SDK1: variants seen among roughly 807,000 people sequenced by gnomAD.
The protein encoded by SDK1 is protein sidekick-1.
SDK1 carries 157 observed loss-of-function variants against 245.5 expected under a neutral mutation model. The observed-to-expected ratio is 0.64, with a 90% CI of 0.56 to 0.73. SDK1 has a LOEUF of 0.73. Among genes scored for constraint, SDK1 ranks in the 30% least tolerant of loss-of-function variants. SDK1 has a pLI of 0.00. For synonymous variants in SDK1, 1,647 were observed against 1,278.5 expected (o/e 1.29, Z -6.15); for missense variants, 3,583 against 3,002.3 (o/e 1.19, Z -4.52).
intron 1 of SDK1, among the ~76,000 whole-genome samples, chr7:3,580,311 C>G (rs1000620889): frequency 4.6e-5 from 7 of 152,118 alleles, no homozygotes; most frequent in African/African-American, 1.7e-4. Flanking sequence ...TCACATGGAA[C>G]CAAAAGAGAG....
At chr7:3,642,392 ACTTTT>A (rs1440804074) in intron 4 of SDK1, among the ~76,000 whole-genome samples, 3 of 152,152 alleles carry the variant, frequency 2.0e-5, no homozygotes, top group African/African-American at 7.2e-5. Context: ...TTCTGAGTGT[ACTTTT>A]TAAGATGTCA....
chr7:4,100,731 T>C (rs1377570925), intron 22 of SDK1, among the ~76,000 whole-genome samples: 1 of 151,896 alleles, frequency 6.6e-6, no homozygotes. Context: ...ACCCAGTCTG[T>C]GGAGTGTCAT....
At chr7:3,936,329 C>T (rs1780157177) in intron 5 of SDK1, among the ~76,000 whole-genome samples, 1 of 152,024 alleles carries the variant, frequency 6.6e-6, no homozygotes, top group Non-Finnish European at 1.5e-5. Flanking sequence ...CGCCTGTAAT[C>T]CCAGCACTTT....
chr7:3,796,618 C>T (rs376195197), intron 4 of SDK1, among the ~76,000 whole-genome samples: 8 of 152,212 alleles, frequency 5.3e-5, no homozygotes, highest in African/African-American at 1.9e-4. Context: ...CTCGTGACCA[C>T]CTTGGCTCAA....
At chr7:3,607,458 T>C (rs1781458972) in intron 1 of SDK1, among the ~76,000 whole-genome samples, 2 of 152,236 alleles carry the variant, frequency 1.3e-5, no homozygotes, top group South Asian at 4.1e-4. Context: ...ATAAGCTCCA[T>C]GAAGGTGTGA....
chr7:3,981,203 C>T (rs1783377079), intron 13 of SDK1, among the ~76,000 whole-genome samples: 1 of 152,134 alleles, frequency 6.6e-6, no homozygotes, highest in African/African-American at 2.4e-5. Flanking sequence ...ACTCCCTGAT[C>T]ACTGATCTTG....
chr7:4,124,511 C>T (rs1208648567), intron 25 of SDK1, among the ~76,000 whole-genome samples: 1 of 152,192 alleles, frequency 6.6e-6, no homozygotes, highest in African/African-American at 2.4e-5. Flanking sequence ...ACTAGTCATA[C>T]TGGATCAGGG....
rs145004628 is a variant in SDK1, at chr7:3,780,447, CTG to C, written c.714-40999_714-40998del. ...CAGCACATGGATCTTAGAGGTACCT[CTG>C]TGTTTCTGGCAGCTGTGGCTCCCAA... On this transcript the variant is annotated intron_variant, in intron 4 of 44. Coordinates refer to ENST00000404826, the MANE Select transcript of SDK1 (RefSeq NM_152744.4). Among the ~76,000 whole-genome samples the C allele has an allele frequency of 2.0e-3, 311 of 152,352 alleles. 2 individuals carry two copies. Among genetic ancestry groups the C allele is most frequent in the African/African-American group, 7.0e-3 (290 of 41,590 alleles).
intron 1 of SDK1, among the ~76,000 whole-genome samples, chr7:3,402,446 T>G (rs1192165569): frequency 6.6e-6 from 1 of 152,180 alleles, no homozygotes; most frequent in African/African-American, 2.4e-5. Flanking sequence ...TTATAAAGTT[T>G]GAGTATTTCT....
intron 1 of SDK1, among the ~76,000 whole-genome samples, chr7:3,572,828 A>G (rs745815375): frequency 1.3e-4 from 20 of 152,116 alleles, no homozygotes; most frequent in Non-Finnish European, 2.5e-4. Flanking sequence ...ATGGTGAAAA[A>G]TAGAGGGTGC....
intron 39 of SDK1, 45 bp from the exon 40 acceptor site, chr7:4,221,194 C>A: frequency 6.2e-7 from 1 of 1,607,032 alleles, no homozygotes. Context: ...GATGTGAGCC[C>A]CGCAGGGCTG....
intron 1 of SDK1, among the ~76,000 whole-genome samples, chr7:3,482,152 C>T (rs767165089): frequency 5.9e-5 from 9 of 152,166 alleles, no homozygotes; most frequent in Non-Finnish European, 7.3e-5. Flanking sequence ...GTAAAAAACA[C>T]ATAGTTTTAC....
At chr7:4,058,515 A>G (rs774948026) in intron 19 of SDK1, among the ~76,000 whole-genome samples, 4 of 152,206 alleles carry the variant, frequency 2.6e-5, no homozygotes, top group Non-Finnish European at 5.9e-5. Flanking sequence ...ACAAATAAAT[A>G]GATACTATTC....
intron 4 of SDK1, among the ~76,000 whole-genome samples, chr7:3,694,187 G>T (rs908133702): frequency 1.3e-5 from 2 of 152,156 alleles, no homozygotes; most frequent in African/African-American, 4.8e-5. Context: ...CTCCAAACTC[G>T]TATAGGAATA....
intron 40 of SDK1, among the ~76,000 whole-genome samples, chr7:4,229,456 C>T (rs925481859): frequency 1.3e-5 from 2 of 152,010 alleles, no homozygotes; most frequent in African/African-American, 4.8e-5. Context: ...AATCGTTCTG[C>T]GTTAAGATTC....
chr7:3,943,305 C>G (rs1209240725), intron 5 of SDK1, among the ~76,000 whole-genome samples: 1 of 148,054 alleles, frequency 6.8e-6, no homozygotes, highest in Non-Finnish European at 1.5e-5. Context: ...TGTGGCCGGA[C>G]TTCCCGCCTT....
intron 5 of SDK1, among the ~76,000 whole-genome samples, chr7:3,853,937 C>T (rs1345440942): frequency 1.3e-5 from 2 of 151,908 alleles, no homozygotes; most frequent in East Asian, 1.9e-4. Context: ...TGGAGTGAGC[C>T]GAGATTGCAC....
chr7:3,664,210 A>G (rs1320332921), intron 4 of SDK1, among the ~76,000 whole-genome samples: 1 of 152,090 alleles, frequency 6.6e-6, no homozygotes, highest in Non-Finnish European at 1.5e-5. Context: ...AGTGTAAAGC[A>G]TGAGGCAAGT....
Position 3,524,530 on chromosome 7 carries a change from G to T in SDK1, c.299-94550G>T, listed in dbSNP as rs567173943. ...CTTACTGACAGATGGGTTATGGAGT[G>T]TGTGTGTGTATGTGCGCGCTCATGT... On this transcript the variant is annotated intron_variant, in intron 1 of 44. Transcript: ENST00000404826. Among the ~76,000 whole-genome samples, 139 of 152,244 alleles carry T rather than the reference G, an allele frequency of 9.1e-4. 1 individual carries two copies. The highest frequency in any genetic ancestry group is 3.2e-3 in the African/African-American group (132 of 41,544).
Sources: allele counts gnomAD v4.1 joint callset (sites outside exome capture counted in the v4.1 genomes callset), GRCh38; gene constraint gnomAD v4.1.1; transcripts MANE v1.5; gene names NCBI Gene and HGNC (gene_info 2026-07-23, HGNC 2026-07-21).